The following CATSPERE variants were observed in gnomAD, a reference collection of about 807,000 sequenced individuals.
The protein encoded by CATSPERE is catsper channel auxiliary subunit epsilon.
A neutral mutation model predicts 114.1 loss-of-function variants in CATSPERE; 93 were observed. That is an observed-to-expected ratio of 0.81 (90% CI 0.69 to 0.97). CATSPERE has a LOEUF of 0.97. CATSPERE is among the 50% of genes least tolerant of loss of function. The pLI, the probability that CATSPERE is intolerant of heterozygous loss-of-function variation, is 0.00. For missense variants in CATSPERE, 1,058 were observed against 1,131.6 expected (o/e 0.93, Z 0.93); for synonymous variants, 341 against 384.1 (o/e 0.89, Z 1.31).
intron 12 of CATSPERE, among the ~76,000 whole-genome samples, chr1:244,582,850 A>G (rs1666387915): frequency 6.6e-6 from 1 of 151,374 alleles, no homozygotes; most frequent in South Asian, 2.1e-4. Flanking sequence ...GTGAGAAAAC[A>G]GCCAATCATC....
chr1:244,554,976 A>T (rs1299427088), intron 9 of CATSPERE, among the ~76,000 whole-genome samples: 1 of 152,246 alleles, frequency 6.6e-6, no homozygotes, highest in Non-Finnish European at 1.5e-5. Flanking sequence ...AATTTGACAT[A>T]CACAAATCAA....
Position 244,591,739 on chromosome 1 carries a change from AT to A in CATSPERE, c.2189+14del, listed in dbSNP as rs1667745971. 2 of 1,480,986 alleles carry A rather than the reference AT, an allele frequency of 1.4e-6. No homozygotes were observed. Among genetic ancestry groups the A allele is most frequent in the Non-Finnish European group, 1.9e-6 (2 of 1,066,478 alleles). The allele number at this position is 1,480,986 out of a possible 1,614,324, so 91.7% of individuals were successfully genotyped here. On this transcript the variant is annotated intron_variant, in intron 15 of 21. Transcript: ENST00000366534. ...TTCATACGTGATTGAAAAGTAAGAA[AT>A]TTTTTAACATAAGCACTGAGTTTTA...
rs1184205330 is a variant in CATSPERE, at chr1:244,610,453, T to C, written c.2490+127T>C. ...TTTGGTAAATCAAATCCTATTTTTA[T>C]ATTAAATTGTATCATGGTATTTTTA... On this transcript the variant is annotated intron_variant, in intron 19 of 21. Transcript: ENST00000366534. 5.6e-6 allele frequency: 4 copies of C among 720,244 alleles called. No homozygotes were observed. The African/African-American group carries it at 7.0e-5, about 13-fold the overall frequency. 44.6% of individuals were successfully genotyped at this position (720,244 alleles called of 1,614,324 possible).
chr1:244,585,541 G>A (rs184835524), intron 13 of CATSPERE, among the ~76,000 whole-genome samples: 17 of 152,312 alleles, frequency 1.1e-4, no homozygotes, highest in Non-Finnish European at 2.2e-4. Context: ...CAACTGTGAA[G>A]TATGCCTTCA....
intron 8 of CATSPERE, among the ~76,000 whole-genome samples, chr1:244,545,427 AGAAT>A (rs1320637397): frequency 6.6e-6 from 1 of 152,218 alleles, no homozygotes; most frequent in Non-Finnish European, 1.5e-5. Flanking sequence ...AGAAGGCTCT[AGAAT>A]AAGTCTAGGC....
chr1:244,464,419 A>G (rs1182733686), intron 2 of CATSPERE, among the ~76,000 whole-genome samples: 2 of 152,168 alleles, frequency 1.3e-5, no homozygotes, highest in African/African-American at 4.8e-5. Flanking sequence ...ATTATATTTT[A>G]TATACCCCTA....
chr1:244,601,181 G>T (rs1197534563), intron 17 of CATSPERE, among the ~76,000 whole-genome samples: 1 of 151,892 alleles, frequency 6.6e-6, no homozygotes, highest in Non-Finnish European at 1.5e-5. Flanking sequence ...GGTGGAGAGA[G>T]AATTACTGAA....
Position 244,461,353 on chromosome 1 carries a change from G to T in CATSPERE, c.-77G>T, listed in dbSNP as rs1199161845. The T allele has an allele frequency of 2.7e-5, 33 of 1,243,884 alleles. No homozygotes were observed. The highest frequency in any genetic ancestry group is 3.2e-5 in the Non-Finnish European group (31 of 976,040). The allele number at this position is 1,243,884 out of a possible 1,614,324, so 77.1% of individuals were successfully genotyped here. ...ACCCAGGCGCCTGCAGCCGCCCGCC[G>T]GGCCGACGTCCCACGGGAATGCGCG... is the stretch of plus-strand genomic sequence containing the variant. On this transcript the variant is annotated 5_prime_UTR_variant, in exon 1 of 22. Coordinates refer to ENST00000366534, the MANE Select transcript of CATSPERE (RefSeq NM_001130957.2).
intron 8 of CATSPERE, among the ~76,000 whole-genome samples, chr1:244,536,468 G>A (rs993495080): frequency 6.6e-6 from 1 of 152,178 alleles, no homozygotes; most frequent in African/African-American, 2.4e-5. Flanking sequence ...TCTGACTAGG[G>A]CTGCTCAAAA....
intron 6 of CATSPERE, 50 bp downstream of exon 6, chr1:244,490,521 T>A: frequency 9.2e-7 from 1 of 1,083,210 alleles, no homozygotes; most frequent in South Asian, 1.4e-5. Flanking sequence ...ACTAGTATAT[T>A]GTTTCTCTCT....
At chr1:244,611,704 C>G (rs1670753214) in intron 19 of CATSPERE, among the ~76,000 whole-genome samples, 1 of 152,064 alleles carries the variant, frequency 6.6e-6, no homozygotes, top group South Asian at 2.1e-4. Flanking sequence ...GAAGGACATC[C>G]AAGGGTCTGG....
At chr1:244,514,373 G>A (rs1241326032) in intron 7 of CATSPERE, among the ~76,000 whole-genome samples, 2 of 152,122 alleles carry the variant, frequency 1.3e-5, no homozygotes, top group African/African-American at 4.8e-5. Flanking sequence ...CAGTTAAGTG[G>A]TTTTCAGGGC....
At chr1:244,452,459 G>A (rs529202074), upstream of CATSPERE, among the ~76,000 whole-genome samples, 2 of 152,214 alleles carry the variant, frequency 1.3e-5, no homozygotes, top group African/African-American at 4.8e-5. Flanking sequence ...AAGTCCGGAA[G>A]TAACAGAGAT....
chr1:244,549,050 G>T (rs1046565934), intron 8 of CATSPERE, among the ~76,000 whole-genome samples: 2 of 152,170 alleles, frequency 1.3e-5, no homozygotes, highest in Admixed American at 1.3e-4. Flanking sequence ...CCAGACTACC[G>T]AGGGGAAGCT....
At chr1:244,546,082 C>T (rs1014480424) in intron 8 of CATSPERE, among the ~76,000 whole-genome samples, 1 of 152,222 alleles carries the variant, frequency 6.6e-6, no homozygotes, top group Non-Finnish European at 1.5e-5. Context: ...AATCTCTGGC[C>T]TGCATCACTG....
At chr1:244,500,491 G>A (rs1673859408) in intron 7 of CATSPERE, among the ~76,000 whole-genome samples, 2 of 152,274 alleles carry the variant, frequency 1.3e-5, no homozygotes, top group South Asian at 4.1e-4. Context: ...TTACATTTAA[G>A]TCTTTAATCC....
At chr1:244,513,764 G>T (rs1278004904) in intron 7 of CATSPERE, among the ~76,000 whole-genome samples, 1 of 152,292 alleles carries the variant, frequency 6.6e-6, no homozygotes, top group East Asian at 1.9e-4. Flanking sequence ...GCAGTGGTGG[G>T]CAGGGCAGGT....
intron 17 of CATSPERE, among the ~76,000 whole-genome samples, chr1:244,604,285 C>A (rs183332283): frequency 2.0e-4 from 30 of 152,342 alleles, no homozygotes; most frequent in African/African-American, 7.0e-4. Flanking sequence ...GAGAACTAAC[C>A]TTCTGAGTTC....
intron 8 of CATSPERE, among the ~76,000 whole-genome samples, chr1:244,550,742 G>A (rs1180208485): frequency 6.6e-6 from 1 of 152,144 alleles, no homozygotes; most frequent in African/African-American, 2.4e-5. Flanking sequence ...CCTAACTTGA[G>A]GTCCGCTTCA....
Sources: allele counts gnomAD v4.1 joint callset (sites outside exome capture counted in the v4.1 genomes callset), GRCh38; gene constraint gnomAD v4.1.1; transcripts MANE v1.5; gene names NCBI Gene and HGNC (gene_info 2026-07-23, HGNC 2026-07-21).